The following UBA7 variants were observed in gnomAD, a reference collection of about 807,000 sequenced individuals.
The protein encoded by UBA7 is ubiquitin-like modifier-activating enzyme 7.
UBA7 carries 88 observed loss-of-function variants against 113.0 expected under a neutral mutation model. The observed-to-expected ratio is 0.78, with a 90% CI of 0.66 to 0.93. The LOEUF (loss-of-function observed/expected upper bound fraction) is 0.93. Among genes scored for constraint, UBA7 ranks in the 40% least tolerant of loss-of-function variants. The pLI, the probability that UBA7 is intolerant of heterozygous loss-of-function variation, is 0.00. For synonymous variants in UBA7, 459 were observed against 513.0 expected, an observed-to-expected ratio of 0.89 and a Z score of 1.42; for missense variants, 1,092 against 1,266.4, an observed-to-expected ratio of 0.86 and a Z score of 2.09.
At position 49,811,383 on chromosome 3, in the gene UBA7, C is replaced by G. The variant is rs1266398301; in HGVS notation, c.1012G>C (p.Glu338Gln). ...PLKRTEEEPL[E>Q]EPLDEALVRT... ...ACTAGGGCCTCATCCAGTGGCTCTT[C>G]CAGTGGCTCTTCCTCTGTCCGCTTC... Residue 338 changes from glutamate (E) to glutamine (Q), a missense_variant, in exon 9 of 24, where the codon GAA becomes CAA. This residue lies in a region of UBA7 where 584 missense variants were observed against 714.5 expected (regional missense o/e 0.82). Coordinates refer to ENST00000333486, the MANE Select transcript of UBA7 (RefSeq NM_003335.3). 3 of 1,613,604 alleles carry G rather than the reference C, an allele frequency of 1.9e-6. No individual in the cohort carries two copies. The African/African-American group carries it at 4.0e-5, about 22-fold the overall frequency.
rs774744626 is a variant in UBA7, at chr3:49,811,009, A to G, written c.1205T>C (p.Leu402Pro). 2 of 1,613,410 alleles carry G rather than the reference A, an allele frequency of 1.2e-6. No homozygotes were observed. Among genetic ancestry groups the G allele is most frequent in the Non-Finnish European group, 1.7e-6 (2 of 1,179,428 alleles). The change falls in exon 10 of 24, where the codon CTT becomes CCT. Residue 402 changes from leucine (L) to proline (P), a missense_variant. By Grantham distance (98) the Leu-to-Pro change is moderately conservative. This residue lies in a region of UBA7 where 584 missense variants were observed against 714.5 expected (regional missense o/e 0.82). Transcript: ENST00000333486. ...CAGGGCACAGTCCTCAGGACTGGGAAGGAGCTCCCCATCTTCCGGAAGACA... is the reference window on the plus strand; with the variant it reads ...CAGGGCACAGTCCTCAGGACTGGGAGGGAGCTCCCCATCTTCCGGAAGACA... ...LDCLPEDGEL[L>P]PSPEDCALRG...
At chr3:49,812,360 A>G (rs757475650) in intron 6 of UBA7, 48 bp downstream of exon 6, 1 of 1,612,852 alleles carries the variant, frequency 6.2e-7, no homozygotes, top group South Asian at 1.1e-5. Flanking sequence ...GCTCACTTCC[A>G]GTGGAGGCTT....
chr3:49,808,268 G>T (rs1427195087), intron 19 of UBA7, 118 bp downstream of exon 19: 2 of 1,511,108 alleles, frequency 1.3e-6, no homozygotes, highest in Non-Finnish European at 1.8e-6. Context: ...AATGTGAGCT[G>T]CTTCCAGGGT....
At chr3:49,809,925 CT>C (rs769025431) in intron 14 of UBA7, 46 bp from the exon 15 acceptor site, 1 of 1,614,126 alleles carries the variant, frequency 6.2e-7, no homozygotes, top group Non-Finnish European at 8.5e-7. Flanking sequence ...GAGAACAGGT[CT>C]GCAGCTGAGG....
Position 49,807,059 on chromosome 3 carries a change from A to T in UBA7, c.2715+677T>A, listed in dbSNP as rs1440445361. Among the ~76,000 whole-genome samples the T allele has an allele frequency of 1.3e-5, 2 of 152,184 alleles. No individual in the cohort carries two copies. Among genetic ancestry groups the T allele is most frequent in the Non-Finnish European group, 2.9e-5 (2 of 68,016 alleles). On this transcript the variant is annotated intron_variant, in intron 21 of 23. Coordinates refer to ENST00000333486, the MANE Select transcript of UBA7 (RefSeq NM_003335.3). This position sits in a 1 kb window ranked among gnomAD's most constrained non-coding sequence, Gnocchi z 4.0. ...CTGCAGAGCCTGGGCACAAGGCTGGAGGCATTCACAGCGCTGCAGTCACAG... is the reference window on the plus strand; with the variant it reads ...CTGCAGAGCCTGGGCACAAGGCTGGTGGCATTCACAGCGCTGCAGTCACAG...
intron 18 of UBA7, 107 bp from the exon 19 acceptor site, chr3:49,808,575 C>T (rs1045423429): frequency 1.2e-5 from 14 of 1,195,018 alleles, no homozygotes; most frequent in Admixed American, 1.1e-4. Flanking sequence ...ACTTACTATT[C>T]CCTGATCAAA....
chr3:49,806,393 G>C, intron 21 of UBA7: 1 of 588,654 alleles, frequency 1.7e-6, no homozygotes, highest in Admixed American at 3.0e-5. Flanking sequence ...GGAAACAGAC[G>C]ATCCATCACA....
At chr3:49,809,368 C>G (rs1207727730) in intron 17 of UBA7, 22 bp downstream of exon 17, 3 of 1,611,728 alleles carry the variant, frequency 1.9e-6, no homozygotes, top group African/African-American at 1.3e-5. Context: ...TATCTTGGAG[C>G]TCCCTACAGA....
chr3:49,813,045 C>T lies in UBA7; in HGVS notation c.467+17G>A. The T allele has an allele frequency of 6.2e-7, 1 of 1,608,644 alleles. No individual in the cohort carries two copies. Among genetic ancestry groups the T allele is most frequent in the Non-Finnish European group, 8.5e-7 (1 of 1,177,772 alleles). On this transcript the variant is annotated intron_variant, in intron 4 of 23. Coordinates refer to ENST00000333486, the MANE Select transcript of UBA7 (RefSeq NM_003335.3). Reference sequence around the variant, plus strand: ...GCTGGCTGTAATATGGTAGGCTGGGCAGGCAGTCTTACTCACCCCACGAGG... The same window carrying T: ...GCTGGCTGTAATATGGTAGGCTGGGTAGGCAGTCTTACTCACCCCACGAGG...
chr3:49,808,411 G>C lies in UBA7; in HGVS notation c.2405C>G (p.Pro802Arg). 1 of 1,614,172 alleles carries C rather than the reference G, an allele frequency of 6.2e-7. No homozygotes were observed. Among genetic ancestry groups the C allele is most frequent in the Non-Finnish European group, 8.5e-7 (1 of 1,180,020 alleles). The change falls in exon 19 of 24, where the codon CCC becomes CGC. Residue 802 changes from proline to arginine, a missense_variant. Physicochemically the swap from Pro to Arg is moderately radical, Grantham distance 103 (BLOSUM62 -2). Around this residue, in one of 3 missense-constraint regions of UBA7, gnomAD observed 500 missense variants for 529.3 expected, o/e 0.94. Coordinates refer to ENST00000333486, the MANE Select transcript of UBA7 (RefSeq NM_003335.3). ...KALEVWSVGP[P>R]LKPLMFEKDD... ...CTTCTCAAACATCAGAGGCTTCAGGGGAGGGCCCACACTCCAGACTTCCAG... is the reference window on the plus strand; with the variant it reads ...CTTCTCAAACATCAGAGGCTTCAGGCGAGGGCCCACACTCCAGACTTCCAG...
In UBA7 at chr3:49,813,549, A is replaced by G; in HGVS notation, c.155T>C (p.Val52Ala). ...AGTGAGGCTGCCCACACCCATCAGAACCAAGTTCTTGGCCACCTCGGCCCC... is the reference window on the plus strand; with the variant it reads ...AGTGAGGCTGCCCACACCCATCAGAGCCAAGTTCTTGGCCACCTCGGCCCC... ...GLGAEVAKNL[V>A]LMGVGSLTLH... Residue 52 changes from valine (V) to alanine (A), a missense_variant, in exon 2 of 24, where the codon GTT becomes GCT. Val to Ala is a moderately conservative substitution (Grantham distance 64). Around this residue, in one of 3 missense-constraint regions of UBA7, gnomAD observed 584 missense variants for 714.5 expected, o/e 0.82. Transcript: ENST00000333486. 1 of 1,614,012 alleles carries G rather than the reference A, an allele frequency of 6.2e-7. No homozygotes were observed.
chr3:49,811,578 G>A, intron 8 of UBA7, 123 bp from the exon 9 acceptor site: 1 of 1,400,314 alleles, frequency 7.1e-7, no homozygotes. Context: ...TGGGTGGGAA[G>A]GCCTGGCCCT....
intron 8 of UBA7, 97 bp from the exon 9 acceptor site, chr3:49,811,552 A>G (rs1235962597): frequency 6.7e-7 from 1 of 1,491,020 alleles, no homozygotes; most frequent in African/African-American, 1.4e-5. Context: ...GTTCCACAGA[A>G]GAGGAAGCAG....
chr3:49,808,288 A>G (rs2081488127), intron 19 of UBA7, 98 bp downstream of exon 19: 1 of 1,548,750 alleles, frequency 6.5e-7, no homozygotes, highest in South Asian at 1.1e-5. Flanking sequence ...TCTTGCTGGG[A>G]GAATTCAGGC....
rs1289578214 is a variant in UBA7, at chr3:49,809,418, G to A, written c.2135C>T (p.Pro712Leu). Residue 712 changes from proline (P) to leucine (L), a missense_variant, in exon 17 of 24, where the codon CCC becomes CTC. Physicochemically the swap from Pro to Leu is moderately conservative, Grantham distance 98. This residue lies in a region of UBA7 where 500 missense variants were observed against 529.3 expected (regional missense o/e 0.94). Transcript: ENST00000333486. ...GTTGGTGTCAAACTCCAAGGGCTGG[G>A]GACACTGTTTGGGACCTGACCAGAA... The part of the protein sequence containing the change: ...TPFWSGPKQC[P>L]QPLEFDTNQD... 6.2e-7 allele frequency: 1 copy of A among 1,614,162 alleles called. No individual in the cohort carries two copies. The highest frequency in any genetic ancestry group is 8.5e-7 in the Non-Finnish European group (1 of 1,180,006).
rs773093186 is a variant in UBA7, at chr3:49,813,400, T to C, written c.226-17A>G. Reference sequence around the variant, plus strand: ...GAGGAGAAACTAGGGAGAGAGCCAGTGCAGCCTGAGCAAAGACACTCCTCT... The same window carrying C: ...GAGGAGAAACTAGGGAGAGAGCCAGCGCAGCCTGAGCAAAGACACTCCTCT... On this transcript the variant is annotated splice_polypyrimidine_tract_variant and intron_variant, in intron 2 of 23. Transcript: ENST00000333486. The C allele has an allele frequency of 1.2e-6, 2 of 1,611,962 alleles. No homozygotes were observed. Among genetic ancestry groups the C allele is most frequent in the Admixed American group, 3.3e-5 (2 of 59,886 alleles).
intron 15 of UBA7, 37 bp downstream of exon 15, chr3:49,809,778 G>T (rs371312611): frequency 9.6e-5 from 155 of 1,614,010 alleles, no homozygotes; most frequent in Non-Finnish European, 1.3e-4. Flanking sequence ...CATGCTTGGA[G>T]CCCTGGACTC....
Position 49,809,401 on chromosome 3 carries a change from C to A in UBA7, c.2152G>T (p.Asp718Tyr). The A allele has an allele frequency of 6.2e-7, 1 of 1,614,110 alleles. No homozygotes were observed. Among genetic ancestry groups the A allele is most frequent in the Non-Finnish European group, 8.5e-7 (1 of 1,179,996 alleles). Residue 718 changes from aspartate (D) to tyrosine (Y), a missense_variant, in exon 17 of 24, where the codon GAC (aspartate) becomes TAC (tyrosine). Physicochemically the swap from Asp to Tyr is radical, Grantham distance 160 (BLOSUM62 -3). Coordinates refer to ENST00000333486, the MANE Select transcript of UBA7 (RefSeq NM_003335.3). ...PKQCPQPLEF[D>Y]TNQDTHLLYV... ...AGAATCCCACTCACTTGGTTGGTGTCAAACTCCAAGGGCTGGGGACACTGT... is the reference window on the plus strand; with the variant it reads ...AGAATCCCACTCACTTGGTTGGTGTAAAACTCCAAGGGCTGGGGACACTGT...
Position 49,809,868 on chromosome 3 carries a change from A to G in UBA7, c.1851T>C (p.His617=), listed in dbSNP as rs1395637443. 1.3e-5 allele frequency: 21 copies of G among 1,614,174 alleles called. No homozygotes were observed. Among genetic ancestry groups the G allele is most frequent in the Non-Finnish European group, 1.7e-5 (20 of 1,180,032 alleles). ...TAEHTLQWAR[H]EFEELFRLSA... is the part of the protein sequence containing the mutation. ...ACAGTCGGAAGAGTTCTTCAAACTC[A>G]TGCCGGGCCCACTGTGGAGGAGGGA... Residue 617 remains histidine, a synonymous_variant, in exon 15 of 24, where the codon CAT becomes CAC. Coordinates refer to ENST00000333486, the MANE Select transcript of UBA7 (RefSeq NM_003335.3).
Sources: allele counts gnomAD v4.1 joint callset (sites outside exome capture counted in the v4.1 genomes callset), GRCh38; gene constraint gnomAD v4.1.1; regional missense constraint gnomAD v4.1.1; non-coding constraint Gnocchi (gnomAD v3.1); transcripts MANE v1.5; gene names NCBI Gene and HGNC (gene_info 2026-07-23, HGNC 2026-07-21).